PTPRN2: variants seen among roughly 807,000 people sequenced by gnomAD.
PTPRN2 encodes receptor-type tyrosine-protein phosphatase N2.
A neutral mutation model predicts 118.8 loss-of-function variants in PTPRN2; 74 were observed. The observed-to-expected ratio is 0.62, with a 90% confidence interval of 0.52 to 0.76. The LOEUF (loss-of-function observed/expected upper bound fraction) is 0.76. PTPRN2 is among the 30% of genes least tolerant of loss of function. The probability of loss-of-function intolerance (pLI) is 0.00; values close to 1 mark genes in which losing one functional copy is unlikely to be tolerated. For synonymous variants in PTPRN2, 641 were observed against 608.0 expected (o/e 1.05, Z -0.80); for missense variants, 1,481 against 1,394.4 (o/e 1.06, Z -0.99).
At chr7:158,328,792 T>A (rs1484781076) in intron 2 of PTPRN2, among the ~76,000 whole-genome samples, 1 of 90,214 alleles carries the variant, frequency 1.1e-5, no homozygotes, top group Non-Finnish European at 2.1e-5. Context: ...GGGGCCTCCA[T>A]TCCCCCCCCC....
chr7:158,306,763 C>T (rs1801317740), intron 3 of PTPRN2, among the ~76,000 whole-genome samples: 1 of 151,442 alleles, frequency 6.6e-6, no homozygotes, highest in Non-Finnish European at 1.5e-5. Flanking sequence ...AAGAAACATG[C>T]AAATGTGCCT....
chr7:157,942,498 A>G (rs1055810512), intron 11 of PTPRN2, among the ~76,000 whole-genome samples: 5 of 152,108 alleles, frequency 3.3e-5, no homozygotes, highest in African/African-American at 1.2e-4. Context: ...CTGCTGGGGT[A>G]ATACTCTTGG....
chr7:157,860,715 C>T (rs1810170121), intron 12 of PTPRN2, among the ~76,000 whole-genome samples: 1 of 152,226 alleles, frequency 6.6e-6, no homozygotes, highest in East Asian at 1.9e-4. Flanking sequence ...TAGAGCTAGA[C>T]AATTACTCTG....
intron 9 of PTPRN2, among the ~76,000 whole-genome samples, chr7:158,112,193 G>A (rs187365794): frequency 3.0e-4 from 46 of 152,326 alleles, no homozygotes; most frequent in Admixed American, 6.5e-4. Context: ...AGCTCCTGTC[G>A]GCTGACAAGT....
Position 157,643,426 on chromosome 7 carries a change from G to A in PTPRN2, c.2196+12931C>T, listed in dbSNP as rs115248226. On this transcript the variant is annotated intron_variant, in intron 14 of 22. Transcript: ENST00000389418. ...AGAGTTCCACACCCTCAATAAAGGC[G>A]GATCATGGAAGGGACACTCTCTGCC... Among the ~76,000 whole-genome samples the A allele has an allele frequency of 1.5e-3, 229 of 152,282 alleles. 1 individual carries two copies. The highest frequency in any genetic ancestry group is 5.3e-3 in the African/African-American group (219 of 41,548).
At position 157,964,771 on chromosome 7, in the gene PTPRN2, T is replaced by A. The variant is rs1381511691; in HGVS notation, c.1724-66034A>T. 6.6e-6 allele frequency among the ~76,000 whole-genome samples: 1 copy of A among 152,182 alleles called. No individual in the cohort carries two copies. The highest frequency in any genetic ancestry group is 1.5e-5 in the Non-Finnish European group (1 of 68,024). ...TTCCTCAAGCTTCCCACTTGAAGGTTGGTGTGAAACCCCACCCCACTCAAC... is the reference window on the plus strand; with the variant it reads ...TTCCTCAAGCTTCCCACTTGAAGGTAGGTGTGAAACCCCACCCCACTCAAC... On this transcript the variant is annotated intron_variant, in intron 11 of 22. Transcript: ENST00000389418. The surrounding 1 kb of genome is among the most constrained non-coding windows in gnomAD (Gnocchi z 9.0).
At chr7:158,090,983 C>T (rs954254848) in intron 10 of PTPRN2, among the ~76,000 whole-genome samples, 3 of 152,142 alleles carry the variant, frequency 2.0e-5, no homozygotes, top group Non-Finnish European at 2.9e-5. Flanking sequence ...ACCAACCGTC[C>T]GGTTGAGAAT....
intron 3 of PTPRN2, among the ~76,000 whole-genome samples, chr7:158,274,386 G>GCAGACACAGGGGGAGCCA (rs1563074666): frequency 0.013 from 1,160 of 90,984 alleles, 103 homozygotes; most frequent in African/African-American, 0.057. Flanking sequence ...AGGGGGAGCC[G>GCAGACACAGGGGGAGCCA]CAGGCACAGG....
Position 157,615,503 on chromosome 7 carries a change from C to T in PTPRN2, c.2344+5859G>A, listed in dbSNP as rs1158984093. 4.2e-6 allele frequency: 2 copies of T among 471,218 alleles called. No individual in the cohort carries two copies. The highest frequency in any genetic ancestry group is 1.4e-4 in the East Asian group (2 of 14,390). 29.2% of individuals were successfully genotyped at this position (471,218 alleles called of 1,614,324 possible). A position where few individuals can be genotyped will look rare whatever the true frequency, so the allele number is the denominator to read the frequency against. On this transcript the variant is annotated intron_variant, in intron 15 of 22. Coordinates refer to ENST00000389418, the MANE Select transcript of PTPRN2 (RefSeq NM_002847.5). This position sits in a 1 kb window ranked among gnomAD's most constrained non-coding sequence, Gnocchi z 4.3. ...GAGCCTTTGCCAATATGCTCGGGACCTGGGGACGGCTGGGGTGACCCCATC... is the reference window on the plus strand; with the variant it reads ...GAGCCTTTGCCAATATGCTCGGGACTTGGGGACGGCTGGGGTGACCCCATC...
At chr7:158,528,627 A>C (rs1824972127) in intron 1 of PTPRN2, among the ~76,000 whole-genome samples, 1 of 150,076 alleles carries the variant, frequency 6.7e-6, no homozygotes, top group African/African-American at 2.5e-5. Context: ...TCTACTAAAA[A>C]TACAAAAAAA....
intron 1 of PTPRN2, among the ~76,000 whole-genome samples, chr7:158,520,305 G>C (rs760793288): frequency 2.0e-5 from 3 of 152,234 alleles, no homozygotes; most frequent in Admixed American, 6.5e-5. Context: ...GGAAAGGAGA[G>C]TAAAATTCCA....
rs1816725488 is a variant in PTPRN2 at position 158,438,356 on chromosome 7, T to C, written c.163+51379A>G. On this transcript the variant is annotated intron_variant, in intron 2 of 22. Transcript: ENST00000389418. The surrounding 1 kb of genome is among the most constrained non-coding windows in gnomAD (Gnocchi z 4.7). Reference sequence around the variant, plus strand: ...TCCAACCTGGGCAACAGAGTGGGACTCCATCTCAAAAAAAAAAAAGAAAAA... The same window carrying C: ...TCCAACCTGGGCAACAGAGTGGGACCCCATCTCAAAAAAAAAAAAGAAAAA... Among the ~76,000 whole-genome samples, 1 of 151,014 alleles carries C rather than the reference T, an allele frequency of 6.6e-6. No homozygotes were observed. Among genetic ancestry groups the C allele is most frequent in the Non-Finnish European group, 1.5e-5 (1 of 67,804 alleles).
At chr7:158,297,858 T>A (rs1360055116) in intron 3 of PTPRN2, among the ~76,000 whole-genome samples, 1 of 152,254 alleles carries the variant, frequency 6.6e-6, no homozygotes, top group African/African-American at 2.4e-5. Context: ...ATTGTGAATG[T>A]GGACTACTCT....
At chr7:158,263,063 GCA>G (rs1169712793) in intron 3 of PTPRN2, among the ~76,000 whole-genome samples, 60 of 137,804 alleles carry the variant, frequency 4.4e-4, no homozygotes, top group Admixed American at 1.6e-3. Flanking sequence ...CATTCACATT[GCA>G]CACACACATC....
Position 157,609,068 on chromosome 7 carries a change from T to C in PTPRN2, c.2345-4993A>G, listed in dbSNP as rs1802175224. Among the ~76,000 whole-genome samples the C allele has an allele frequency of 6.6e-6, 1 of 152,186 alleles. No homozygotes were observed. The highest frequency in any genetic ancestry group is 2.1e-4 in the South Asian group (1 of 4,830). ...CTTTTCTGACCCTTTACTGTGTTTA[T>C]CATGCGTTAGTGCCTTGTTCAACAA... On this transcript the variant is annotated intron_variant, in intron 15 of 22. Transcript: ENST00000389418. The surrounding 1 kb of genome is among the most constrained non-coding windows in gnomAD (Gnocchi z 4.9).
intron 2 of PTPRN2, among the ~76,000 whole-genome samples, chr7:158,487,639 C>T (rs940530693): frequency 6.6e-6 from 1 of 152,132 alleles, no homozygotes; most frequent in South Asian, 2.1e-4. Flanking sequence ...AGAGACCCTG[C>T]GGCTGGTGAC....
At position 157,579,977 on chromosome 7, in the gene PTPRN2, C is replaced by T. The variant is rs143113745; in HGVS notation, c.2497-1837G>A. The stretch of plus-strand genomic sequence containing the variant: ...CTGTTTCCAGCCTTCAACAGCGCGC[C>T]TGACCAGATAACCTCAGAATACATC... On this transcript the variant is annotated intron_variant, in intron 17 of 22. Transcript: ENST00000389418. Among the ~76,000 whole-genome samples the T allele has an allele frequency of 3.2e-3, 482 of 152,346 alleles. 3 individuals are homozygous for T. Among genetic ancestry groups the T allele is most frequent in the African/African-American group, 0.011 (460 of 41,582 alleles).
chr7:158,255,292 T>C (rs980456096), intron 3 of PTPRN2, among the ~76,000 whole-genome samples: 2 of 152,112 alleles, frequency 1.3e-5, no homozygotes, highest in Non-Finnish European at 2.9e-5. Context: ...ATCTCTCAAA[T>C]CACACCACAG....
intron 12 of PTPRN2, among the ~76,000 whole-genome samples, chr7:157,747,875 G>C (rs372251902): frequency 7.1e-6 from 1 of 141,736 alleles, no homozygotes. Context: ...TCCCTGAGCT[G>C]TGGGGTGTCC....
Sources: gnomAD v4.1 joint callset for allele counts (sites outside exome capture counted in the v4.1 genomes callset) on GRCh38, gnomAD v4.1.1 for gene constraint, Gnocchi (gnomAD v3.1) non-coding constraint, MANE v1.5 for transcripts, NCBI Gene and HGNC (gene_info 2026-07-23, HGNC 2026-07-21) for gene names.